Variants in LRRC71 observed in about 807,000 individuals in gnomAD.
The protein encoded by LRRC71 is leucine rich repeat containing 71.
A neutral mutation model predicts 66.6 loss-of-function variants in LRRC71; 54 were observed. The observed-to-expected ratio is 0.81, with a 90% CI of 0.65 to 1.02. The LOEUF is 1.02. Among genes scored for constraint, LRRC71 ranks in the 50% least tolerant of loss-of-function variants. The pLI is 0.00. For synonymous variants in LRRC71, 323 were observed against 303.9 expected, an observed-to-expected ratio of 1.06 and a Z score of -0.65; for missense variants, 724 against 718.0, an observed-to-expected ratio of 1.01 and a Z score of -0.10.
At chr1:156,925,517 G>C (rs563671506) in intron 5 of LRRC71, among the ~76,000 whole-genome samples, 1 of 152,230 alleles carries the variant, frequency 6.6e-6, no homozygotes, top group Non-Finnish European at 1.5e-5. Flanking sequence ...ATGTGAGGCA[G>C]GAAGACCTGG....
At position 156,932,487 on chromosome 1, in the gene LRRC71, T is replaced by C. The variant is rs565750094; in HGVS notation, c.1505T>C (p.Phe502Ser). Reference protein sequence around the residue: ...FLATVQYQMQFSKAKSASKGP... With the variant: ...FLATVQYQMQSSKAKSASKGP... Reference sequence around the variant, plus strand: ...GCCACGGTGCAGTATCAGATGCAGTTCTCCAAGGCCAAGAGTGCATCCAAG... The same window carrying C: ...GCCACGGTGCAGTATCAGATGCAGTCCTCCAAGGCCAAGAGTGCATCCAAG... Residue 502 changes from phenylalanine (F) to serine (S), a missense_variant, in exon 14 of 15, where the codon TTC (phenylalanine) becomes TCC (serine). By Grantham distance (155) the Phe-to-Ser change is radical (BLOSUM62 -2). Transcript: ENST00000337428. The C allele has an allele frequency of 8.9e-5, 143 of 1,613,844 alleles. 4 individuals are homozygous for C. In the South Asian group the frequency reaches 1.5e-3, roughly 17 times the overall value.
intron 13 of LRRC71, 186 bp from the exon 14 acceptor site, chr1:156,932,238 G>T (rs1654480980): frequency 3.0e-6 from 2 of 659,366 alleles, no homozygotes; most frequent in African/African-American, 1.8e-5. Context: ...AGTAATGAGA[G>T]GAGTTAGAGA....
downstream of LRRC71, chr1:156,936,227 C>T (rs1243219532): frequency 2.5e-6 from 2 of 796,148 alleles, no homozygotes; most frequent in Non-Finnish European, 2.3e-6. Context: ...CTGAACTCCA[C>T]TTTCATCAGC....
the LRRC71 span, chr1:156,939,340 T>C: frequency 1.5e-6 from 1 of 647,372 alleles, no homozygotes; most frequent in Middle Eastern, 4.3e-4. Context: ...CACACAGATA[T>C]TAAGTGGCAG....
At chr1:156,934,095 T>TG (rs1375142750), downstream of LRRC71, among the ~76,000 whole-genome samples, 2 of 152,230 alleles carry the variant, frequency 1.3e-5, no homozygotes, top group South Asian at 2.1e-4. Context: ...TGCTGGATGA[T>TG]GGTCACCCCA....
chr1:156,931,333 A>G (rs1224611892), intron 12 of LRRC71, among the ~76,000 whole-genome samples: 1 of 152,150 alleles, frequency 6.6e-6, no homozygotes, highest in East Asian at 1.9e-4. Context: ...TCAAGACAAA[A>G]TCTTACAAAA....
chr1:156,920,713 G>A lies in LRRC71; in HGVS notation c.-91G>A. ...CCTGGACGCGGAACAGAGATCCCCT[G>A]ATTCAGCCACCCCCAGACTGAGCCC... On this transcript the variant is annotated 5_prime_UTR_variant, in exon 1 of 15. Coordinates refer to ENST00000337428, the MANE Select transcript of LRRC71 (RefSeq NM_144702.3). The surrounding 1 kb of genome is among the most constrained non-coding windows in gnomAD (Gnocchi z 4.9). The A allele has an allele frequency of 1.5e-6, 2 of 1,334,012 alleles. No individual in the cohort carries two copies. Among genetic ancestry groups the A allele is most frequent in the Non-Finnish European group, 1.9e-6 (2 of 1,035,034 alleles). The allele number at this position is 1,334,012 out of a possible 1,614,324, so 82.6% of individuals were successfully genotyped here. A position where few individuals can be genotyped will look rare whatever the true frequency, so the allele number is the denominator to read the frequency against.
At chr1:156,924,742 C>CGGGGGACCAGAGTGGGAGTT in intron 4 of LRRC71, 24 bp downstream of exon 4, 1 of 1,548,270 alleles carries the variant, frequency 6.5e-7, no homozygotes. Context: ...AGGGGATGGG[C>CGGGGGACCAGAGTGGGAGTT]GGGGGACCAG....
At position 156,927,478 on chromosome 1, in the gene LRRC71, T is replaced by C; in HGVS notation, c.663-18T>C. 1.3e-6 allele frequency: 2 copies of C among 1,520,138 alleles called. No homozygotes were observed. The highest frequency in any genetic ancestry group is 1.8e-6 in the Non-Finnish European group (2 of 1,135,180). 94.2% of individuals were successfully genotyped at this position (1,520,138 alleles called of 1,614,324 possible). ...GTACCTTTTCCAGCGACCCACATTC[T>C]CCCTCCGGCTGCCCCAGGATTGCGC... On this transcript the variant is annotated intron_variant, in intron 6 of 14. Transcript: ENST00000337428.
Position 156,932,466 on chromosome 1 carries a change from C to T in LRRC71, c.1484C>T (p.Thr495Met), listed in dbSNP as rs1654522426. 3 of 1,613,752 alleles carry T rather than the reference C, an allele frequency of 1.9e-6. No homozygotes were observed. Among genetic ancestry groups the T allele is most frequent in the Non-Finnish European group, 2.5e-6 (3 of 1,179,868 alleles). The change falls in exon 14 of 15, where the codon ACG becomes ATG. Residue 495 changes from threonine (T) to methionine (M), a missense_variant. By Grantham distance (81) the Thr-to-Met change is moderately conservative. Transcript: ENST00000337428. ...GTGGGGCTGGAGGGCTTCCTCGCCACGGTGCAGTATCAGATGCAGTTCTCC... is the reference window on the plus strand; with the variant it reads ...GTGGGGCTGGAGGGCTTCCTCGCCATGGTGCAGTATCAGATGCAGTTCTCC... Reference protein sequence around the residue: ...TEVGLEGFLATVQYQMQFSKA... With the variant: ...TEVGLEGFLAMVQYQMQFSKA...
chr1:156,936,497 A>AAAAAT (rs370282821), downstream of LRRC71, among the ~76,000 whole-genome samples: 17 of 33,934 alleles, frequency 5.0e-4, no homozygotes, highest in African/African-American at 1.1e-3. Context: ...AAAAAAAAAA[A>AAAAAT]ATATATATAT....
chr1:156,939,657 G>C, the LRRC71 span: 2 of 1,613,928 alleles, frequency 1.2e-6, no homozygotes, highest in Non-Finnish European at 1.7e-6. Context: ...TGGTCCTTGG[G>C]GGTAGGTGTT....
chr1:156,936,842 T>A, downstream of LRRC71: 1 of 1,614,082 alleles, frequency 6.2e-7, no homozygotes, highest in East Asian at 2.2e-5. Context: ...CCCCAGTTCA[T>A]GGCTGTTCCT....
downstream of LRRC71, chr1:156,935,849 G>C: frequency 3.6e-6 from 3 of 832,916 alleles, no homozygotes; most frequent in South Asian, 1.9e-5. Flanking sequence ...AGCAACATGC[G>C]GGTCTCCCCC....
At chr1:156,937,378 C>G (rs1027493279), downstream of LRRC71, 1 of 1,608,648 alleles carries the variant, frequency 6.2e-7, no homozygotes, top group South Asian at 1.1e-5. Context: ...GCAGCTGAGG[C>G]TGAGGCTCTG....
rs563239557 is a variant in LRRC71 at position 156,921,694 on chromosome 1, G to A, written c.160+731G>A. 75 of 893,366 alleles carry A rather than the reference G, an allele frequency of 8.4e-5. No homozygotes were observed. The South Asian group carries it at 1.3e-3, about 15-fold the overall frequency. 55.3% of individuals were successfully genotyped at this position (893,366 alleles called of 1,614,324 possible). A position where few individuals can be genotyped will look rare whatever the true frequency, so the allele number is the denominator to read the frequency against. On this transcript the variant is annotated intron_variant, in intron 1 of 14. Transcript: ENST00000337428. ...ACAGTATACAATCCCCTACAGGTAC[G>A]AAGCCAGTTACATTCAAAACACACA...
intron 1 of LRRC71, 104 bp downstream of exon 1, chr1:156,921,067 C>T: frequency 7.9e-7 from 1 of 1,261,890 alleles, no homozygotes. Context: ...TCATACATAC[C>T]TACGTTGAGT....
chr1:156,925,099 C>A (rs1653001046), intron 5 of LRRC71, 84 bp downstream of exon 5: 2 of 1,303,976 alleles, frequency 1.5e-6, no homozygotes, highest in African/African-American at 1.5e-5. Context: ...ATGGAAGTGG[C>A]AGGTCCCAGC....
chr1:156,932,771 G>A, intron 14 of LRRC71, 82 bp from the exon 15 acceptor site: 1 of 1,421,520 alleles, frequency 7.0e-7, no homozygotes, highest in Non-Finnish European at 9.7e-7. Context: ...AACCCACCCT[G>A]CCCCAGGACC....
Sources: gnomAD v4.1 joint callset for allele counts (sites outside exome capture counted in the v4.1 genomes callset) on GRCh38, gnomAD v4.1.1 for gene constraint, Gnocchi (gnomAD v3.1) non-coding constraint, MANE v1.5 for transcripts, NCBI Gene and HGNC (gene_info 2026-07-23, HGNC 2026-07-21) for gene names.